Variants in GSG1L observed in about 807,000 individuals in gnomAD.
GSG1L encodes the protein germ cell-specific gene 1-like protein.
In GSG1L, 24 loss-of-function variants were observed where a neutral mutation model predicts 42.1. The ratio of observed to expected loss-of-function variants is 0.57; its 90% CI spans 0.41 to 0.80. GSG1L has a LOEUF of 0.80. Ranked by LOEUF, GSG1L falls within the 30% of genes least tolerant of loss-of-function variation. The probability of loss-of-function intolerance (pLI) is 0.00; values close to 1 mark genes in which losing one functional copy is unlikely to be tolerated. For synonymous variants in GSG1L, 215 were observed against 203.5 expected (o/e 1.06, Z -0.48); for missense variants, 445 against 472.2 (o/e 0.94, Z 0.53).
chr16:27,808,092 C>T (rs181730102), intron 5 of GSG1L, among the ~76,000 whole-genome samples: 3 of 150,732 alleles, frequency 2.0e-5, no homozygotes, highest in East Asian at 3.9e-4. Context: ...CCCTCCCCTC[C>T]GCCCACCCCA....
At chr16:27,940,669 C>T (rs1312009017) in intron 2 of GSG1L, among the ~76,000 whole-genome samples, 1 of 80,546 alleles carries the variant, frequency 1.2e-5, no homozygotes, top group Admixed American at 1.2e-4. Context: ...CACATGGACA[C>T]AGGAAGAGGA....
At chr16:27,904,532 T>C (rs2084297842) in intron 2 of GSG1L, among the ~76,000 whole-genome samples, 1 of 152,098 alleles carries the variant, frequency 6.6e-6, no homozygotes, top group African/African-American at 2.4e-5. Context: ...TTCTAGAATG[T>C]AAATCGAATC....
At position 28,005,135 on chromosome 16, in the gene GSG1L, T is replaced by C. The variant is rs1402905150; in HGVS notation, c.350-41932A>G. 3.3e-5 allele frequency among the ~76,000 whole-genome samples: 5 copies of C among 152,088 alleles called. No individual in the cohort carries two copies. In the East Asian group the frequency reaches 9.6e-4, roughly 29 times the overall value. ...CCGGCCTCTCTCCTTTTTTTTGAGA[T>C]GGAGTTTTGCTCTTGTTGCCCAGGC... is the stretch of plus-strand genomic sequence containing the variant. On this transcript the variant is annotated intron_variant, in intron 1 of 6. Transcript: ENST00000447459.
At chr16:27,850,369 A>T (rs373880118) in intron 3 of GSG1L, 2 of 371,500 alleles carry the variant, frequency 5.4e-6, no homozygotes, top group East Asian at 1.5e-4. Context: ...GCAAGCAAAC[A>T]GTTGAAGGGC....
chr16:27,945,462 T>TC (rs1420541289), intron 2 of GSG1L, among the ~76,000 whole-genome samples: 39 of 152,198 alleles, frequency 2.6e-4, no homozygotes, highest in African/African-American at 9.4e-4. Flanking sequence ...AAGCCCCCAG[T>TC]CCCACATGGG....
chr16:27,852,296 G>A (rs1368062563), intron 3 of GSG1L, among the ~76,000 whole-genome samples: 1 of 152,196 alleles, frequency 6.6e-6, no homozygotes, highest in East Asian at 1.9e-4. Context: ...GGAAACCCCT[G>A]ACCTTCAGCT....
intron 3 of GSG1L, among the ~76,000 whole-genome samples, chr16:27,850,307 G>A (rs576343312): frequency 2.0e-5 from 3 of 152,218 alleles, no homozygotes; most frequent in Admixed American, 6.5e-5. Context: ...GAATACAGGC[G>A]TGAGCCACCG....
At chr16:28,019,450 T>C (rs1457616905) in intron 1 of GSG1L, among the ~76,000 whole-genome samples, 1 of 152,194 alleles carries the variant, frequency 6.6e-6, no homozygotes, top group African/African-American at 2.4e-5. Context: ...GTTTCAGGAA[T>C]TGCCCACACT....
intron 1 of GSG1L, among the ~76,000 whole-genome samples, chr16:28,005,592 G>A (rs2085629055): frequency 6.6e-6 from 1 of 151,108 alleles, no homozygotes; most frequent in African/African-American, 2.4e-5. Context: ...CTGAGGTACT[G>A]GGGGTTAGGA....
In GSG1L at chr16:27,987,173, C is replaced by T. The variant is rs148845289; in HGVS notation, c.350-23970G>A. Among the ~76,000 whole-genome samples, 1,346 of 150,354 alleles carry T rather than the reference C, an allele frequency of 9.0e-3. 20 individuals carry two copies. Among genetic ancestry groups the T allele is most frequent in the Non-Finnish European group, 0.012 (811 of 67,804 alleles). ...CAGAGGTTGCAGTGACCCAAGATCG[C>T]ACCACTGCACTCCAGCCTGGGCGAC... On this transcript the variant is annotated intron_variant, in intron 1 of 6. Coordinates refer to ENST00000447459, the MANE Select transcript of GSG1L (RefSeq NM_001109763.2).
intron 3 of GSG1L, among the ~76,000 whole-genome samples, chr16:27,845,441 G>A (rs2083432535): frequency 6.6e-6 from 1 of 152,106 alleles, no homozygotes; most frequent in Non-Finnish European, 1.5e-5. Context: ...TTGCTATGTT[G>A]CTCAGGCTGG....
At chr16:27,967,224 T>C (rs2085145649) in intron 1 of GSG1L, among the ~76,000 whole-genome samples, 1 of 152,214 alleles carries the variant, frequency 6.6e-6, no homozygotes, top group Non-Finnish European at 1.5e-5. Context: ...TTGAAGCCCC[T>C]TTGGCCTCCT....
intron 2 of GSG1L, among the ~76,000 whole-genome samples, chr16:27,916,650 C>T (rs891654426): frequency 1.3e-5 from 2 of 152,064 alleles, no homozygotes; most frequent in Admixed American, 6.6e-5. Context: ...AAGTATCTCT[C>T]CAAAAATTCA....
At chr16:27,998,613 C>A (rs941104371) in intron 1 of GSG1L, among the ~76,000 whole-genome samples, 3 of 151,972 alleles carry the variant, frequency 2.0e-5, no homozygotes, top group Non-Finnish European at 4.4e-5. Flanking sequence ...CACAGTAAGA[C>A]CCCTTCTCTA....
At chr16:28,056,708 G>A (rs1002159326) in intron 1 of GSG1L, among the ~76,000 whole-genome samples, 35 of 152,140 alleles carry the variant, frequency 2.3e-4, no homozygotes, top group African/African-American at 8.4e-4. Context: ...TGAGTCCTAC[G>A]GCATTGAAGT....
At chr16:27,999,324 T>G (rs1013655325) in intron 1 of GSG1L, among the ~76,000 whole-genome samples, 1 of 152,146 alleles carries the variant, frequency 6.6e-6, no homozygotes, top group Admixed American at 6.5e-5. Context: ...ATGCCTGTAA[T>G]GCCAGCTACT....
At chr16:27,885,767 C>G (rs868065917) in intron 2 of GSG1L, among the ~76,000 whole-genome samples, 10 of 152,230 alleles carry the variant, frequency 6.6e-5, no homozygotes, top group Admixed American at 2.0e-4. Flanking sequence ...ATTCTGACCA[C>G]ATGAGCACCT....
chr16:27,846,417 G>T (rs1596551926), intron 3 of GSG1L, among the ~76,000 whole-genome samples: 1 of 152,266 alleles, frequency 6.6e-6, no homozygotes, highest in African/African-American at 2.4e-5. Context: ...CTTATGCCAG[G>T]ATAGTAGGAG....
At chr16:28,004,652 C>T (rs1322753742) in intron 1 of GSG1L, among the ~76,000 whole-genome samples, 1 of 151,972 alleles carries the variant, frequency 6.6e-6, no homozygotes, top group Non-Finnish European at 1.5e-5. Context: ...GTGGTGCGTG[C>T]CTGTAATCCC....
Sources: gnomAD v4.1 joint callset for allele counts (sites outside exome capture counted in the v4.1 genomes callset) on GRCh38, gnomAD v4.1.1 for gene constraint, MANE v1.5 for transcripts, NCBI Gene and HGNC (gene_info 2026-07-23, HGNC 2026-07-21) for gene names.